Variants in PCED1B observed in about 807,000 individuals in gnomAD.
PCED1B encodes the protein PC-esterase domain-containing protein 1B.
For missense variants in PCED1B, 573 were observed against 573.9 expected, an observed-to-expected ratio of 1.00 and a Z score of 0.02; for synonymous variants, 251 against 246.1, an observed-to-expected ratio of 1.02 and a Z score of -0.19.
chr12:47,219,319 T>TA (rs1352543310), intron 3 of PCED1B, among the ~76,000 whole-genome samples: 21 of 152,072 alleles, frequency 1.4e-4, no homozygotes, highest in Admixed American at 1.3e-3. Context: ...ATTTAAGAAG[T>TA]AAAAAACTAA....
At chr12:47,179,405 A>G (rs993871133) in intron 2 of PCED1B, among the ~76,000 whole-genome samples, 4 of 152,218 alleles carry the variant, frequency 2.6e-5, no homozygotes, top group Admixed American at 6.5e-5. Flanking sequence ...CAATATAATC[A>G]TTCATCCTCT....
intron 2 of PCED1B, among the ~76,000 whole-genome samples, chr12:47,150,143 A>G (rs1343905416): frequency 1.3e-5 from 2 of 152,138 alleles, no homozygotes; most frequent in South Asian, 2.1e-4. Context: ...GTTGGAGGGG[A>G]AAAGTGTTCA....
chr12:47,137,364 CT>C lies in PCED1B; in HGVS notation c.-526+33172del, dbSNP rs1283437644. On this transcript the variant is annotated intron_variant, in intron 2 of 3. Coordinates refer to ENST00000546455, the MANE Select transcript of PCED1B (RefSeq NM_138371.3). ...AATCATCAACAAATCCAAGGCAATC[CT>C]TTGCAAAAATAATTTATCTGTTATT... Among the ~76,000 whole-genome samples the C allele has an allele frequency of 3.9e-5, 6 of 152,152 alleles. No individual in the cohort carries two copies. The East Asian group carries it at 1.2e-3, about 29-fold the overall frequency.
intron 2 of PCED1B, among the ~76,000 whole-genome samples, chr12:47,173,339 C>T (rs1941811613): frequency 6.6e-6 from 1 of 152,216 alleles, no homozygotes; most frequent in African/African-American, 2.4e-5. Context: ...CTACAACCTC[C>T]ACCTCCTGGG....
chr12:47,094,443 T>A (rs1398784168), intron 1 of PCED1B, among the ~76,000 whole-genome samples: 1 of 152,180 alleles, frequency 6.6e-6, no homozygotes, highest in Non-Finnish European at 1.5e-5. Flanking sequence ...TACCATCTTA[T>A]TTTTCATTTT....
At chr12:47,081,407 A>G (rs530626509) in intron 1 of PCED1B, among the ~76,000 whole-genome samples, 2 of 152,378 alleles carry the variant, frequency 1.3e-5, no homozygotes, top group East Asian at 3.9e-4. Context: ...TTGTTAGACC[A>G]ACACCTAATT....
chr12:47,189,195 C>G (rs1295591143), intron 2 of PCED1B, among the ~76,000 whole-genome samples: 3 of 152,152 alleles, frequency 2.0e-5, no homozygotes, highest in African/African-American at 7.2e-5. Flanking sequence ...GAGAAGTTGT[C>G]TAAGCAGAAA....
At chr12:47,182,703 T>A (rs1250190853) in intron 2 of PCED1B, among the ~76,000 whole-genome samples, 1 of 152,158 alleles carries the variant, frequency 6.6e-6, no homozygotes, top group African/African-American at 2.4e-5. Flanking sequence ...ATTACTCCCA[T>A]TGCACAGTTG....
At chr12:47,202,090 A>G (rs142179150) in intron 2 of PCED1B, among the ~76,000 whole-genome samples, 1 of 152,226 alleles carries the variant, frequency 6.6e-6, no homozygotes, top group Non-Finnish European at 1.5e-5. Context: ...AAGCACCACA[A>G]ATAAAATATA....
In PCED1B at chr12:47,235,351, C is replaced by G. The variant is rs1044302465; in HGVS notation, c.288C>G (p.Arg96=). 1 of 1,614,158 alleles carries G rather than the reference C, an allele frequency of 6.2e-7. No individual in the cohort carries two copies. The highest frequency in any genetic ancestry group is 8.5e-7 in the Non-Finnish European group (1 of 1,180,048). Residue 96 remains arginine (R), a synonymous_variant, in exon 4 of 4, where the codon CGC becomes CGG. Transcript: ENST00000546455. ...TGGTACGTTTTTACTTCCTCACCCG[C>G]GTGTACTCCGATTACCTCCAGACCA... ...HHLVRFYFLT[R]VYSDYLQTIL... is the part of the protein sequence containing the mutation.
chr12:47,221,098 G>C (rs1330065881), intron 3 of PCED1B, among the ~76,000 whole-genome samples: 3 of 152,020 alleles, frequency 2.0e-5, no homozygotes, highest in Non-Finnish European at 2.9e-5. Context: ...TTTTATGTAA[G>C]AAAACATATA....
chr12:47,084,215 G>A lies in PCED1B; in HGVS notation c.-609+4490G>A, dbSNP rs111682927. Reference sequence around the variant, plus strand: ...CACTAGCCTACAGTTGAGCAAAATCGTCTAACACAAAGTCTATATTATATT... The same window carrying A: ...CACTAGCCTACAGTTGAGCAAAATCATCTAACACAAAGTCTATATTATATT... On this transcript the variant is annotated intron_variant, in intron 1 of 3. Coordinates refer to ENST00000546455, the MANE Select transcript of PCED1B (RefSeq NM_138371.3). Among the ~76,000 whole-genome samples the A allele has an allele frequency of 1.1e-4, 17 of 152,236 alleles. 1 individual carries two copies. The highest frequency in any genetic ancestry group is 2.9e-4 in the African/African-American group (12 of 41,524).
At chr12:47,226,583 C>T (rs1943639148) in intron 3 of PCED1B, among the ~76,000 whole-genome samples, 1 of 152,154 alleles carries the variant, frequency 6.6e-6, no homozygotes, top group Non-Finnish European at 1.5e-5. Context: ...ACATGTTGGC[C>T]AGGCTGGTCT....
intron 2 of PCED1B, among the ~76,000 whole-genome samples, chr12:47,108,283 A>G (rs574008615): frequency 1.3e-5 from 2 of 152,318 alleles, no homozygotes; most frequent in African/African-American, 4.8e-5. Context: ...TGAGCTTCTC[A>G]GGTGCTGATT....
At position 47,235,215 on chromosome 12, in the gene PCED1B, G is replaced by A; in HGVS notation, c.152G>A (p.Arg51Lys). 4 of 1,608,508 alleles carry A rather than the reference G, an allele frequency of 2.5e-6. No individual in the cohort carries two copies. The highest frequency in any genetic ancestry group is 3.4e-6 in the Non-Finnish European group (4 of 1,176,932). Reference sequence around the variant, plus strand: ...CTCACTCCCGGGCAGCTTAGAGCAAGGGGGGAGCTGAACTTCGAACAAGAT... The same window carrying A: ...CTCACTCCCGGGCAGCTTAGAGCAAAGGGGGAGCTGAACTTCGAACAAGAT... ...RLLTPGQLRA[R>K]GELNFEQDEL... The change falls in exon 4 of 4, where the codon AGG (arginine) becomes AAG (lysine). Residue 51 changes from arginine to lysine, a missense_variant. Transcript: ENST00000546455.
intron 2 of PCED1B, among the ~76,000 whole-genome samples, chr12:47,173,804 TA>T (rs1236686554): frequency 6.6e-6 from 1 of 152,164 alleles, no homozygotes; most frequent in African/African-American, 2.4e-5. Context: ...TTCAGATCTT[TA>T]AAAAAATGAT....
chr12:47,157,041 A>G (rs1941215804), intron 2 of PCED1B, among the ~76,000 whole-genome samples: 1 of 152,202 alleles, frequency 6.6e-6, no homozygotes, highest in African/African-American at 2.4e-5. Flanking sequence ...TCTAAGCTCC[A>G]TGAGGACAGA....
intron 2 of PCED1B, among the ~76,000 whole-genome samples, chr12:47,189,763 C>G (rs528439985): frequency 3.9e-4 from 59 of 152,356 alleles, no homozygotes; most frequent in Non-Finnish European, 1.0e-4. Context: ...AGGAGCCAAA[C>G]TCTTGAAGCA....
At chr12:47,196,502 A>G (rs1036619411) in intron 2 of PCED1B, among the ~76,000 whole-genome samples, 4 of 152,248 alleles carry the variant, frequency 2.6e-5, no homozygotes, top group African/African-American at 9.6e-5. Flanking sequence ...AAAGGAAGAA[A>G]CAATTTAAAA....
Sources: allele counts gnomAD v4.1 joint callset (sites outside exome capture counted in the v4.1 genomes callset), GRCh38; gene constraint gnomAD v4.1.1; transcripts MANE v1.5; gene names NCBI Gene and HGNC (gene_info 2026-07-23, HGNC 2026-07-21).